PHACTR2: variants seen among roughly 807,000 people sequenced by gnomAD.
PHACTR2 encodes the protein chromosome 6 open reading frame 56.
PHACTR2 carries 30 observed loss-of-function variants against 76.0 expected under a neutral mutation model. The ratio of observed to expected loss-of-function variants is 0.39; its 90% CI spans 0.30 to 0.54. The LOEUF is 0.54. Among genes scored for constraint, PHACTR2 ranks in the 20% least tolerant of loss-of-function variants. PHACTR2 has a pLI of 0.61. For missense variants in PHACTR2, 696 were observed against 781.1 expected, an observed-to-expected ratio of 0.89 and a Z score of 1.30; for synonymous variants, 292 against 292.5, an observed-to-expected ratio of 1.00 and a Z score of 0.02.
upstream of PHACTR2, among the ~76,000 whole-genome samples, chr6:143,674,009 C>T (rs763693909): frequency 6.6e-6 from 1 of 152,154 alleles, no homozygotes; most frequent in Non-Finnish European, 1.5e-5. This position sits in a 1 kb window ranked among gnomAD's most constrained non-coding sequence, Gnocchi z 4.9. Context: ...CTTAATATAA[C>T]TAGAATATGC....
rs1030233318 is a variant in PHACTR2, at chr6:143,543,901, A to G, written c.217+6694A>G. On this transcript the variant is annotated intron_variant, in intron 1 of 11. Coordinates refer to the PHACTR2 transcript ENST00000367584. This position sits in a 1 kb window ranked among gnomAD's most constrained non-coding sequence, Gnocchi z 4.7. ...GACAATGGTAGAAAGAGCACAGACA[A>G]CTGAGATTGGGACTGTCAGGGCTCA... is the stretch of plus-strand genomic sequence containing the variant. Among the ~76,000 whole-genome samples, 36 of 152,318 alleles carry G rather than the reference A, an allele frequency of 2.4e-4. No homozygotes were observed. Among genetic ancestry groups the G allele is most frequent in the African/African-American group, 8.7e-4 (36 of 41,560 alleles).
rs1325361171 is a variant in PHACTR2, at chr6:143,760,796, T to C, written c.694+156T>C. On this transcript the variant is annotated intron_variant, in intron 5 of 12. Transcript: ENST00000440869. This position sits in a 1 kb window ranked among gnomAD's most constrained non-coding sequence, Gnocchi z 6.4. Reference sequence around the variant, plus strand: ...CACAAAGAATGCCCAGGAGATTCCTTTGTTGCTCTCTACCAAAGGAAATTC... The same window carrying C: ...CACAAAGAATGCCCAGGAGATTCCTCTGTTGCTCTCTACCAAAGGAAATTC... Among the ~76,000 whole-genome samples the C allele has an allele frequency of 3.9e-5, 6 of 152,174 alleles. No homozygotes were observed. The highest frequency in any genetic ancestry group is 7.4e-5 in the Non-Finnish European group (5 of 68,026).
intron 11 of PHACTR2, among the ~76,000 whole-genome samples, chr6:143,792,898 C>T (rs752536574): frequency 2.6e-4 from 39 of 152,188 alleles, no homozygotes; most frequent in South Asian, 6.2e-4. Context: ...ACTTCCACTA[C>T]GTTCTATTAG....
intron 1 of PHACTR2, among the ~76,000 whole-genome samples, chr6:143,706,192 G>A (rs565422474): frequency 1.3e-5 from 2 of 152,204 alleles, no homozygotes; most frequent in African/African-American, 4.8e-5. Flanking sequence ...ACAAGATGTT[G>A]CAGGGCTCAT....
chr6:143,797,959 A>T (rs980431563), intron 11 of PHACTR2, among the ~76,000 whole-genome samples: 2 of 152,194 alleles, frequency 1.3e-5, no homozygotes, highest in African/African-American at 2.4e-5. Context: ...CTGGATGGGG[A>T]TAGCATTGAA....
Position 143,783,392 on chromosome 6 carries a change from A to G in PHACTR2, c.1707+112A>G. On this transcript the variant is annotated intron_variant, in intron 10 of 12. Coordinates refer to ENST00000440869, the MANE Select transcript of PHACTR2 (RefSeq NM_001100164.2). The surrounding 1 kb of genome is among the most constrained non-coding windows in gnomAD (Gnocchi z 5.2). ...CAGATGTTTAGAAATAATTATTCCT[A>G]TTAGTCTATAATCATAGACATCAAA... 2 of 630,500 alleles carry G rather than the reference A, an allele frequency of 3.2e-6. No homozygotes were observed. The highest frequency in any genetic ancestry group is 2.1e-5 in the South Asian group (1 of 48,644). 39.1% of individuals were successfully genotyped at this position (630,500 alleles called of 1,614,324 possible). A position where few individuals can be genotyped will look rare whatever the true frequency, so the allele number is the denominator to read the frequency against.
intron 12 of PHACTR2, chr6:143,810,563 A>T (rs1374959550): frequency 2.2e-6 from 1 of 453,886 alleles, no homozygotes; most frequent in African/African-American, 2.0e-5. Context: ...ATTTTTTATT[A>T]TTTGATTTGA....
chr6:143,573,870 C>T (rs1207195899), intron 1 of PHACTR2, among the ~76,000 whole-genome samples: 1 of 152,190 alleles, frequency 6.6e-6, no homozygotes, highest in Non-Finnish European at 1.5e-5. Flanking sequence ...TTCTCCATAA[C>T]TGTTTATGGA....
intron 11 of PHACTR2, among the ~76,000 whole-genome samples, chr6:143,798,809 T>G (rs1178313804): frequency 6.6e-6 from 1 of 152,236 alleles, no homozygotes; most frequent in East Asian, 1.9e-4. Context: ...TGAGGATTTT[T>G]GCACTGATGT....
In PHACTR2 at chr6:143,793,869, C is replaced by T. The variant is rs1004539569; in HGVS notation, c.1845+4959C>T. Among the ~76,000 whole-genome samples, 28 of 151,926 alleles carry T rather than the reference C, an allele frequency of 1.8e-4. No homozygotes were observed. Among genetic ancestry groups the T allele is most frequent in the African/African-American group, 6.8e-4 (28 of 41,360 alleles). On this transcript the variant is annotated intron_variant, in intron 11 of 12. Coordinates refer to ENST00000440869, the MANE Select transcript of PHACTR2 (RefSeq NM_001100164.2). This position sits in a 1 kb window ranked among gnomAD's most constrained non-coding sequence, Gnocchi z 4.4. ...GAGCAGGAGGCTGCAGTGAGCCATGCCACGGCACTCCAGCCTGGGCAACAG... is the reference window on the plus strand; with the variant it reads ...GAGCAGGAGGCTGCAGTGAGCCATGTCACGGCACTCCAGCCTGGGCAACAG...
rs543018062 is a variant in PHACTR2, at chr6:143,548,476, G to C, written c.217+11269G>C. On this transcript the variant is annotated intron_variant, in intron 1 of 11. Coordinates refer to the PHACTR2 transcript ENST00000367584. This position sits in a 1 kb window ranked among gnomAD's most constrained non-coding sequence, Gnocchi z 4.5. Reference sequence around the variant, plus strand: ...ATGCTGTGAGCATATATTCTCCTCAGATTTCCCCTATTTACATGTCTTCTG... The same window carrying C: ...ATGCTGTGAGCATATATTCTCCTCACATTTCCCCTATTTACATGTCTTCTG... 6.6e-6 allele frequency among the ~76,000 whole-genome samples: 1 copy of C among 151,976 alleles called. No individual in the cohort carries two copies. Among genetic ancestry groups the C allele is most frequent in the Non-Finnish European group, 1.5e-5 (1 of 67,962 alleles).
At chr6:143,781,491 GA>G (rs1198459433) in intron 9 of PHACTR2, among the ~76,000 whole-genome samples, 1 of 152,102 alleles carries the variant, frequency 6.6e-6, no homozygotes, top group African/African-American at 2.4e-5. Flanking sequence ...AGGAAGAATT[GA>G]CAAAAATGTT....
intron 2 of PHACTR2, among the ~76,000 whole-genome samples, chr6:143,716,955 C>T (rs756117118): frequency 1.6e-4 from 25 of 152,184 alleles, no homozygotes; most frequent in Admixed American, 2.6e-4. Flanking sequence ...TCTTGGATAA[C>T]CACCATCAGG....
In PHACTR2 at chr6:143,772,535, T is replaced by C. The variant is rs1344110274; in HGVS notation, c.1432+78T>C. ...CTGCAGTTTATAAAGAATAAAAGCC[T>C]CATTAGGAACCAGACATCTGATGTT... is the stretch of plus-strand genomic sequence containing the variant. On this transcript the variant is annotated intron_variant, in intron 7 of 12. Coordinates refer to ENST00000440869, the MANE Select transcript of PHACTR2 (RefSeq NM_001100164.2). This position sits in a 1 kb window ranked among gnomAD's most constrained non-coding sequence, Gnocchi z 5.4. 2 of 1,005,136 alleles carry C rather than the reference T, an allele frequency of 2.0e-6. No homozygotes were observed. Among genetic ancestry groups the C allele is most frequent in the Non-Finnish European group, 3.0e-6 (2 of 657,234 alleles). 62.3% of individuals were successfully genotyped at this position (1,005,136 alleles called of 1,614,324 possible).
chr6:143,563,848 C>A (rs1484045013), intron 1 of PHACTR2, among the ~76,000 whole-genome samples: 5 of 147,772 alleles, frequency 3.4e-5, no homozygotes. Flanking sequence ...AAAAAAAATA[C>A]AAAAAATTAG....
In PHACTR2 at chr6:143,710,675, C is replaced by T. The variant is rs560565724; in HGVS notation, c.47-1341C>T. Reference sequence around the variant, plus strand: ...TCGCGCCACTGCACTCCAGCCTGGGCGACAGAGCAAGACTCTATCTCAAAA... The same window carrying T: ...TCGCGCCACTGCACTCCAGCCTGGGTGACAGAGCAAGACTCTATCTCAAAA... On this transcript the variant is annotated intron_variant, in intron 1 of 12. Coordinates refer to ENST00000440869, the MANE Select transcript of PHACTR2 (RefSeq NM_001100164.2). This position sits in a 1 kb window ranked among gnomAD's most constrained non-coding sequence, Gnocchi z 4.9. 1.3e-5 allele frequency among the ~76,000 whole-genome samples: 2 copies of T among 152,206 alleles called. No individual in the cohort carries two copies. The highest frequency in any genetic ancestry group is 2.1e-4 in the South Asian group (1 of 4,824).
intron 1 of PHACTR2, among the ~76,000 whole-genome samples, chr6:143,638,543 C>CA (rs775356198): frequency 0.075 from 9,408 of 126,188 alleles, 1,008 homozygotes; most frequent in African/African-American, 0.25. Flanking sequence ...GACCTTGTCT[C>CA]AAAAAAAAAA....
rs530336359 is a variant in PHACTR2, at chr6:143,671,891, A to T, written c.14-40125A>T. Among the ~76,000 whole-genome samples, 1 of 152,356 alleles carries T rather than the reference A, an allele frequency of 6.6e-6. No individual in the cohort carries two copies. Among genetic ancestry groups the T allele is most frequent in the South Asian group, 2.1e-4 (1 of 4,832 alleles). ...ATAGCCATACAATGGAAGGCAACCT[A>T]GAACAAAAAGGAACAAAATACAGAT... On this transcript the variant is annotated intron_variant, in intron 1 of 11. Coordinates refer to the PHACTR2 transcript ENST00000305766. The surrounding 1 kb of genome is among the most constrained non-coding windows in gnomAD (Gnocchi z 4.6).
Position 143,826,621 on chromosome 6 carries a change from A to G in PHACTR2, c.*2932A>G, listed in dbSNP as rs1776536099. 6.6e-6 allele frequency: 1 copy of G among 152,182 alleles called. No individual in the cohort carries two copies. 9.4% of individuals were successfully genotyped at this position (152,182 alleles called of 1,614,324 possible). ...GAGAATAAAACATTAATATTAGGGT[A>G]TTAAGAAGATGCTCAGCAAGCTTGA... is the stretch of plus-strand genomic sequence containing the variant. On this transcript the variant is annotated 3_prime_UTR_variant, in exon 13 of 13. Transcript: ENST00000440869.
Sources: gnomAD v4.1 joint callset for allele counts (sites outside exome capture counted in the v4.1 genomes callset) on GRCh38, gnomAD v4.1.1 for gene constraint, Gnocchi (gnomAD v3.1) non-coding constraint, MANE v1.5 for transcripts, NCBI Gene and HGNC (gene_info 2026-07-23, HGNC 2026-07-21) for gene names.